Variants in UPF3B observed in about 807,000 individuals in gnomAD.
UPF3B encodes the protein UPF3B regulator of nonsense mediated mRNA decay, also known as regulator of nonsense transcripts 3B.
Under a neutral mutation model 40.3 loss-of-function variants are expected in UPF3B, and 7 were observed. The observed-to-expected ratio is 0.17, with a 90% CI of 0.10 to 0.33. The LOEUF is 0.33. Ranked by LOEUF, UPF3B falls within the 10% of genes least tolerant of loss-of-function variation. The pLI is 1.00. For missense variants in UPF3B, 229 were observed against 358.9 expected, an observed-to-expected ratio of 0.64 and a Z score of 2.93; for synonymous variants, 117 against 117.3, an observed-to-expected ratio of 1.00 and a Z score of 0.01.
chrX:119,824,364 CAT>C (rs1360941490), intron 3 of UPF3B, among the ~76,000 whole-genome samples: 18 of 99,894 alleles, frequency 1.8e-4, no homozygotes, highest in African/African-American at 5.9e-4. Flanking sequence ...GTGATTGGTA[CAT>C]GTTTGCTAAA....
At chrX:119,836,175 T>G (rs906625193) in intron 10 of UPF3B, among the ~76,000 whole-genome samples, 1 of 109,795 alleles carries the variant, frequency 9.1e-6, no homozygotes, top group African/African-American at 3.3e-5. Context: ...GCCAACATGG[T>G]GAAACCCTGT....
Position 119,837,941 on chromosome X carries a change from C to A in UPF3B, c.1118G>T (p.Arg373Leu). 1 of 1,210,943 alleles carries A rather than the reference C, an allele frequency of 8.3e-7. No individual in the cohort carries two copies. Among genetic ancestry groups the A allele is most frequent in the Non-Finnish European group, 1.1e-6 (1 of 895,469 alleles). Residue 373 changes from arginine (R) to leucine (L), a missense_variant, in exon 10 of 11, where the codon CGC becomes CTC. Physicochemically the swap from Arg to Leu is moderately radical, Grantham distance 102. Around this residue, in one of 3 missense-constraint regions of UPF3B, gnomAD observed 119 missense variants for 153.8 expected, o/e 0.77. Coordinates refer to ENST00000276201, the MANE Select transcript of UPF3B (RefSeq NM_080632.3). ...CTCATAGCGCTCCTTCTGCCTACGG[C>A]GCTCTTCTTCTTGCCGCTTCAGCCT... Reference protein sequence around the residue: ...RERLKRQEEERRRQKERYEKE... With the variant: ...RERLKRQEEELRRQKERYEKE...
At chrX:119,838,234 A>G in intron 9 of UPF3B, 133 bp downstream of exon 9, 1 of 912,400 alleles carries the variant, frequency 1.1e-6, no homozygotes. Context: ...ATACAAGAAT[A>G]TTCTGAAACT....
intron 6 of UPF3B, among the ~76,000 whole-genome samples, chrX:119,807,268 G>A (rs1377502746): frequency 9.0e-6 from 1 of 111,462 alleles, no homozygotes; most frequent in African/African-American, 3.3e-5. Flanking sequence ...CTGAACCTCT[G>A]ATCAGATTCC....
intron 5 of UPF3B, among the ~76,000 whole-genome samples, chrX:119,842,605 TACACACAC>T (rs543555558): frequency 2.2e-5 from 2 of 91,389 alleles, no homozygotes; most frequent in South Asian, 5.4e-4. Context: ...CACACACACA[TACACACAC>T]ACACACACAC....
At chrX:119,826,548 C>A (rs1253352173) in intron 3 of UPF3B, among the ~76,000 whole-genome samples, 1 of 111,987 alleles carries the variant, frequency 8.9e-6, no homozygotes, top group Non-Finnish European at 1.9e-5. Context: ...TCAGCTTACA[C>A]AATTCTGACT....
chrX:119,844,662 G>T (rs1229960613), intron 4 of UPF3B, among the ~76,000 whole-genome samples: 6 of 109,764 alleles, frequency 5.5e-5, no homozygotes, highest in Non-Finnish European at 9.5e-5. Flanking sequence ...GGAGTGCAAT[G>T]GTGTGATCTC....
Position 119,845,944 on chromosome X carries a change from T to C in UPF3B, c.371-648A>G, listed in dbSNP as rs958071650. Reference sequence around the variant, plus strand: ...GATTGTATATATTTCATAATGTATATATGTATACATTATGTATACATTTCA... The same window carrying C: ...GATTGTATATATTTCATAATGTATACATGTATACATTATGTATACATTTCA... On this transcript the variant is annotated intron_variant, in intron 3 of 10. Transcript: ENST00000276201. Among the ~76,000 whole-genome samples the C allele has an allele frequency of 6.3e-5, 7 of 111,401 alleles. No individual in the cohort carries two copies. The Admixed American group carries it at 6.7e-4, about 11-fold the overall frequency.
rs139573205 is a variant in UPF3B, at chrX:119,841,001, A to G, written c.807+75T>C. Reference sequence around the variant, plus strand: ...ACAAAAAATTCATTTACACCAACACAAGACGCATGCATATTTAAAGAAGTA... The same window carrying G: ...ACAAAAAATTCATTTACACCAACACGAGACGCATGCATATTTAAAGAAGTA... On this transcript the variant is annotated intron_variant, in intron 7 of 10. Coordinates refer to ENST00000276201, the MANE Select transcript of UPF3B (RefSeq NM_080632.3). 4.8e-5 allele frequency: 52 copies of G among 1,081,953 alleles called. 1 individual carries two copies. In the East Asian group the frequency reaches 1.2e-3, roughly 24 times the overall value. The allele number at this position is 1,081,953 out of a possible 1,213,427, so 89.2% of individuals were successfully genotyped here. A position where few individuals can be genotyped will look rare whatever the true frequency, so the allele number is the denominator to read the frequency against.
rs1569459617 is a variant in UPF3B at position 119,823,556 on chromosome X, C to CTTTTTTTT, written c.393-514_393-513insAAAAAAAA. On this transcript the variant is annotated intron_variant, in intron 3 of 6. Transcript: ENST00000636792. Reference sequence around the variant, plus strand: ...CTGGCCCATTTCTTTTCTTTTTTTCCTCTTTTTTTTTTTTTTTTTTTGTCT... The same window carrying CTTTTTTTT: ...CTGGCCCATTTCTTTTCTTTTTTTCCTTTTTTTTTCTTTTTTTTTTTTTTTTTTTGTCT... Among the ~76,000 whole-genome samples the CTTTTTTTT allele has an allele frequency of 2.9e-4, 12 of 42,085 alleles. 3 individuals are homozygous for CTTTTTTTT. Among genetic ancestry groups the CTTTTTTTT allele is most frequent in the African/African-American group, 1.1e-3 (3 of 2,609 alleles). 36.5% of individuals were successfully genotyped at this position (42,085 alleles called of 115,157 possible).
intron 4 of UPF3B, among the ~76,000 whole-genome samples, chrX:119,815,755 A>G (rs1169331385): frequency 8.9e-6 from 1 of 111,778 alleles, no homozygotes; most frequent in Non-Finnish European, 1.9e-5. Context: ...CTGAAGTTAA[A>G]TGATTCTGCC....
intron 4 of UPF3B, among the ~76,000 whole-genome samples, chrX:119,822,598 CCTCTTT>C (rs2055932952): frequency 9.0e-6 from 1 of 111,555 alleles, no homozygotes; most frequent in African/African-American, 3.3e-5. Context: ...GTACTCCTCT[CCTCTTT>C]ATTTTTTTTT....
intron 3 of UPF3B, among the ~76,000 whole-genome samples, chrX:119,849,272 T>C (rs909466333): frequency 1.8e-5 from 2 of 110,388 alleles, no homozygotes; most frequent in Non-Finnish European, 3.8e-5. Flanking sequence ...GGCGGGTGGA[T>C]TGCTTGAGGC....
At chrX:119,825,637 A>T (rs2055971202) in intron 3 of UPF3B, among the ~76,000 whole-genome samples, 1 of 111,884 alleles carries the variant, frequency 8.9e-6, no homozygotes, top group South Asian at 3.7e-4. Context: ...AATTCTGCTA[A>T]AATTGAAGCA....
chrX:119,807,389 T>C, intron 6 of UPF3B: 1 of 876,874 alleles, frequency 1.1e-6, no homozygotes, highest in South Asian at 2.9e-5. Context: ...CGTGTGCTCT[T>C]TGGCTGCCTA....
rs2056074215 is a variant in UPF3B, at chrX:119,834,809, C to T, written c.*69G>A. ...TCTCTATTCTTTGCCCTGAAGGCAC[C>T]TCTGGATTGCTTAACGTGTGCTCTT... On this transcript the variant is annotated 3_prime_UTR_variant, in exon 11 of 11. Transcript: ENST00000276201. The T allele has an allele frequency of 2.5e-6, 3 of 1,209,810 alleles. No individual in the cohort carries two copies. The highest frequency in any genetic ancestry group is 2.2e-5 in the Admixed American group (1 of 45,969).
chrX:119,831,380 G>A (rs1233786422), downstream of UPF3B, among the ~76,000 whole-genome samples: 1 of 107,970 alleles, frequency 9.3e-6, no homozygotes, highest in Non-Finnish European at 1.9e-5. Flanking sequence ...GGAGTGCAAT[G>A]GCACAATCTC....
intron 5 of UPF3B, among the ~76,000 whole-genome samples, chrX:119,811,026 G>A (rs1055117769): frequency 8.3e-5 from 9 of 108,549 alleles, no homozygotes; most frequent in African/African-American, 2.0e-4. Context: ...TATCTTTTAC[G>A]TCTATTTTCC....
intron 3 of UPF3B, among the ~76,000 whole-genome samples, chrX:119,825,624 A>C (rs2055971140): frequency 8.9e-6 from 1 of 111,937 alleles, no homozygotes; most frequent in Non-Finnish European, 1.9e-5. Flanking sequence ...TCAGAACAAA[A>C]TGAATTCTGC....
Sources: allele counts gnomAD v4.1 joint callset (sites outside exome capture counted in the v4.1 genomes callset), GRCh38; gene constraint gnomAD v4.1.1; regional missense constraint gnomAD v4.1.1; transcripts MANE v1.5; gene names NCBI Gene and HGNC (gene_info 2026-07-23, HGNC 2026-07-21).